Variants in SLC9A5 observed in about 807,000 individuals in gnomAD.
The protein encoded by SLC9A5 is solute carrier family 9 member A5, also known as sodium/hydrogen exchanger 5.
In SLC9A5, 52 loss-of-function variants were observed where a neutral mutation model predicts 91.7. The ratio of observed to expected loss-of-function variants is 0.57; its 90% CI spans 0.45 to 0.71. The LOEUF (loss-of-function observed/expected upper bound fraction) is 0.71. Among genes scored for constraint, SLC9A5 ranks in the 30% least tolerant of loss-of-function variants. The pLI, the probability that SLC9A5 is intolerant of heterozygous loss-of-function variation, is 0.00. For synonymous variants in SLC9A5, 419 were observed against 474.5 expected (o/e 0.88, Z 1.52); for missense variants, 871 against 1,158.9 (o/e 0.75, Z 3.61).
In SLC9A5 at chr16:67,255,262, G is replaced by C; in HGVS notation, c.654+78G>C. Reference sequence around the variant, plus strand: ...CCAACTAGGGGTCTGCGCAGACTCAGTCCCTTCCCTTGGGTCCCCTGGGGC... The same window carrying C: ...CCAACTAGGGGTCTGCGCAGACTCACTCCCTTCCCTTGGGTCCCCTGGGGC... On this transcript the variant is annotated intron_variant, in intron 3 of 15. Coordinates refer to ENST00000299798, the MANE Select transcript of SLC9A5 (RefSeq NM_004594.3). The surrounding 1 kb of genome is among the most constrained non-coding windows in gnomAD (Gnocchi z 4.9). 6.4e-7 allele frequency: 1 copy of C among 1,557,758 alleles called. No homozygotes were observed. The highest frequency in any genetic ancestry group is 1.2e-5 in the South Asian group (1 of 85,448).
chr16:67,255,169 C>T lies in SLC9A5; in HGVS notation c.639C>T (p.Asn213=), dbSNP rs778972235. ...FIIVFGESLL[N]DAVTVVLYKV... is the part of the protein sequence containing the mutation. ...TCGTCTTTGGCGAGTCCCTGCTCAA[C>T]GATGCTGTCACCGTGGTGAGCGTGC... The change falls in exon 3 of 16, where the codon AAC becomes AAT. Residue 213 remains asparagine, a synonymous_variant. Transcript: ENST00000299798. This position sits in a 1 kb window ranked among gnomAD's most constrained non-coding sequence, Gnocchi z 4.9. The T allele has an allele frequency of 1.2e-5, 19 of 1,613,534 alleles. No homozygotes were observed. Among genetic ancestry groups the T allele is most frequent in the South Asian group, 4.4e-5 (4 of 91,072 alleles).
In SLC9A5 at chr16:67,258,546, G is replaced by T; in HGVS notation, c.1626+99G>T. On this transcript the variant is annotated intron_variant, in intron 10 of 15. Coordinates refer to ENST00000299798, the MANE Select transcript of SLC9A5 (RefSeq NM_004594.3). The surrounding 1 kb of genome is among the most constrained non-coding windows in gnomAD (Gnocchi z 4.5). ...CAAGCAGGCTGGCCCTGAGCAGGGA[G>T]TTGGGAATTCCTAGCTGGCTCCATG... 1.4e-6 allele frequency: 2 copies of T among 1,426,558 alleles called. No individual in the cohort carries two copies. The highest frequency in any genetic ancestry group is 2.3e-4 in the Middle Eastern group (1 of 4,282). The allele number at this position is 1,426,558 out of a possible 1,614,324, so 88.4% of individuals were successfully genotyped here. A position where few individuals can be genotyped will look rare whatever the true frequency, so the allele number is the denominator to read the frequency against.
chr16:67,252,818 G>A lies in SLC9A5; in HGVS notation c.464G>A (p.Trp155Ter). Reference protein sequence around the residue: ...WNAFTTGAALWGLQQAGLVAP... With the variant: ...WNAFTTGAAL ...GCCTTCACAACAGGCGCTGCCCTCT[G>A]GGGCTTGCAGCAGGCTGGACTTGTA... Residue 155 changes from tryptophan (W) to a stop codon, truncating the protein, a stop_gained, in exon 2 of 16, where the codon TGG becomes TAG. Transcript: ENST00000299798. LOFTEE classifies it high-confidence loss of function. The surrounding 1 kb of genome is among the most constrained non-coding windows in gnomAD (Gnocchi z 4.0). The A allele has an allele frequency of 6.2e-7, 1 of 1,612,968 alleles. No individual in the cohort carries two copies. The highest frequency in any genetic ancestry group is 8.5e-7 in the Non-Finnish European group (1 of 1,179,944).
chr16:67,257,593 G>C lies in SLC9A5; in HGVS notation c.1488G>C (p.Trp496Cys). The change falls in exon 9 of 16, where the codon TGG (tryptophan) becomes TGC (cysteine). Residue 496 changes from tryptophan to cysteine, a missense_variant. Physicochemically the swap from Trp to Cys is radical, Grantham distance 215 (BLOSUM62 -2). Coordinates refer to ENST00000299798, the MANE Select transcript of SLC9A5 (RefSeq NM_004594.3). The surrounding 1 kb of genome is among the most constrained non-coding windows in gnomAD (Gnocchi z 5.1). ...TGGGGCACCATGGCTACCACTACTG[G>C]AGGGACAGGTGAGGGAGCTGCCCCG... ...DVVGHHGYHY[W>C]RDRWEQFDKK... 1 of 1,614,134 alleles carries C rather than the reference G, an allele frequency of 6.2e-7. No individual in the cohort carries two copies. The highest frequency in any genetic ancestry group is 2.2e-5 in the East Asian group (1 of 44,878).
At position 67,259,855 on chromosome 16, in the gene SLC9A5, A is replaced by C; in HGVS notation, c.1751A>C (p.Gln584Pro). ...ESGSGACLDL[Q>P]VIDTVRSGRD... ...GGCAGTGGAGCGTGTCTGGATCTGC[A>C]GGTGATTGACACAGTACGCAGCGGC... The change falls in exon 12 of 16, where the codon CAG becomes CCG. Residue 584 changes from glutamine (Q) to proline (P), a missense_variant. Gln to Pro is a moderately conservative substitution (Grantham distance 76, BLOSUM62 -1). Coordinates refer to ENST00000299798, the MANE Select transcript of SLC9A5 (RefSeq NM_004594.3). The C allele has an allele frequency of 6.2e-7, 1 of 1,614,166 alleles. No homozygotes were observed. The highest frequency in any genetic ancestry group is 8.5e-7 in the Non-Finnish European group (1 of 1,180,034).
chr16:67,271,900 G>A lies in SLC9A5; in HGVS notation c.*690G>A, dbSNP rs1345789975. ...TTCAGTTCAGGCCTGTTGCTTAACT[G>A]GGGTCACCCTGGGATCTGCTGCTCT... On this transcript the variant is annotated 3_prime_UTR_variant, in exon 16 of 16. Coordinates refer to ENST00000299798, the MANE Select transcript of SLC9A5 (RefSeq NM_004594.3). The A allele has an allele frequency of 6.6e-6, 1 of 152,398 alleles. No individual in the cohort carries two copies. Among genetic ancestry groups the A allele is most frequent in the Non-Finnish European group, 1.5e-5 (1 of 68,194 alleles). The allele number at this position is 152,398 out of a possible 1,614,324, so 9.4% of individuals were successfully genotyped here. A position where few individuals can be genotyped will look rare whatever the true frequency, so the allele number is the denominator to read the frequency against.
chr16:67,254,554 G>A (rs1018742513), intron 2 of SLC9A5, among the ~76,000 whole-genome samples: 27 of 152,086 alleles, frequency 1.8e-4, no homozygotes, highest in African/African-American at 5.3e-4. Flanking sequence ...GCACCACTGC[G>A]CCTGGCTACT....
chr16:67,264,638 G>C (rs533274572), intron 13 of SLC9A5, 116 bp downstream of exon 13: 1 of 1,015,918 alleles, frequency 9.8e-7, no homozygotes, highest in Non-Finnish European at 1.5e-6. Context: ...AGTCCTCAGG[G>C]GCTTGATGAC....
At chr16:67,249,410 T>G (rs138822520) in intron 1 of SLC9A5, among the ~76,000 whole-genome samples, 1 of 152,174 alleles carries the variant, frequency 6.6e-6, no homozygotes, top group Non-Finnish European at 1.5e-5. Context: ...GCTCTGAGGA[T>G]TTGCCTTTCT....
intron 12 of SLC9A5, chr16:67,261,933 T>TGTGTGTGG: frequency 4.7e-6 from 1 of 214,624 alleles, no homozygotes; most frequent in South Asian, 7.2e-5. Context: ...GTGAGGTGTG[T>TGTGTGTGG]GTGTGTGTGT....
chr16:67,257,233 C>G lies in SLC9A5; in HGVS notation c.1336-112C>G, dbSNP rs1298565693. 3.7e-6 allele frequency: 5 copies of G among 1,367,662 alleles called. No homozygotes were observed. The highest frequency in any genetic ancestry group is 3.1e-6 in the Non-Finnish European group (3 of 971,604). 84.7% of individuals were successfully genotyped at this position (1,367,662 alleles called of 1,614,324 possible). A position where few individuals can be genotyped will look rare whatever the true frequency, so the allele number is the denominator to read the frequency against. On this transcript the variant is annotated intron_variant, in intron 7 of 15. Transcript: ENST00000299798. The surrounding 1 kb of genome is among the most constrained non-coding windows in gnomAD (Gnocchi z 5.1). ...AGATGGAGGGCCCTGACTTCCCAGA[C>G]CTTGAGTGCAGTGGGGTAGGGGTAC... is the stretch of plus-strand genomic sequence containing the variant.
intron 12 of SLC9A5, chr16:67,263,249 G>A (rs1382130371): frequency 6.6e-6 from 1 of 152,258 alleles, no homozygotes; most frequent in Non-Finnish European, 1.5e-5. Context: ...ACCTCCTGGT[G>A]CATAGGTAGA....
chr16:67,268,552 A>C (rs1464881701), intron 15 of SLC9A5, among the ~76,000 whole-genome samples: 4 of 147,684 alleles, frequency 2.7e-5, no homozygotes, highest in Non-Finnish European at 6.0e-5. Context: ...ACAGAACAAC[A>C]CTCTGTCTCT....
intron 1 of SLC9A5, among the ~76,000 whole-genome samples, chr16:67,249,460 C>A (rs2035029389): frequency 6.6e-6 from 1 of 152,206 alleles, no homozygotes; most frequent in Non-Finnish European, 1.5e-5. Flanking sequence ...CATCTGTAGG[C>A]TCCTTTGCCC....
chr16:67,262,382 C>T, intron 12 of SLC9A5: 1 of 408,742 alleles, frequency 2.4e-6, no homozygotes, highest in South Asian at 1.7e-5. Flanking sequence ...TAGAGAGAGA[C>T]AGAGATATCT....
At position 67,256,882 on chromosome 16, in the gene SLC9A5, T is replaced by G; in HGVS notation, c.1133-29T>G. The G allele has an allele frequency of 1.2e-6, 2 of 1,609,692 alleles. No homozygotes were observed. The highest frequency in any genetic ancestry group is 1.3e-5 in the African/African-American group (1 of 74,980). On this transcript the variant is annotated intron_variant, in intron 6 of 15. Transcript: ENST00000299798. This position sits in a 1 kb window ranked among gnomAD's most constrained non-coding sequence, Gnocchi z 4.1. The stretch of plus-strand genomic sequence containing the variant: ...CCCACGTCCTCCACTCCCAACGCTT[T>G]GCTCCCACTGGCCTCCCTCCCGCTG...
chr16:67,260,170 A>G (rs1306310974), intron 12 of SLC9A5, among the ~76,000 whole-genome samples: 2 of 151,742 alleles, frequency 1.3e-5, no homozygotes, highest in African/African-American at 4.9e-5. Context: ...CCAACATGGT[A>G]AAAATGAAAC....
intron 2 of SLC9A5, among the ~76,000 whole-genome samples, chr16:67,253,364 C>T (rs2035199997): frequency 2.6e-5 from 4 of 151,924 alleles, no homozygotes; most frequent in Admixed American, 2.6e-4. Context: ...CCATCAAATG[C>T]TGGCACTACA....
chr16:67,260,023 C>A, intron 12 of SLC9A5, 77 bp downstream of exon 12: 3 of 1,543,320 alleles, frequency 1.9e-6, no homozygotes, highest in Non-Finnish European at 1.7e-6. Flanking sequence ...TTGGCGCCAG[C>A]TTGTTGGAGA....
Sources: allele counts gnomAD v4.1 joint callset (sites outside exome capture counted in the v4.1 genomes callset), GRCh38; gene constraint gnomAD v4.1.1; non-coding constraint Gnocchi (gnomAD v3.1); transcripts MANE v1.5; gene names NCBI Gene and HGNC (gene_info 2026-07-23, HGNC 2026-07-21).